The following HNRNPC variants were observed in gnomAD, a reference collection of about 807,000 sequenced individuals.
HNRNPC encodes the protein heterogeneous nuclear ribonucleoprotein C.
In HNRNPC, 3 loss-of-function variants were observed where a neutral mutation model predicts 33.2. The observed-to-expected ratio is 0.09, with a 90% CI of 0.04 to 0.23. The LOEUF is 0.23. HNRNPC is among the 10% of genes least tolerant of loss of function. The pLI is 1.00. For synonymous variants in HNRNPC, 121 were observed against 126.7 expected (o/e 0.96, Z 0.30); for missense variants, 143 against 366.7 (o/e 0.39, Z 4.98).
chr14:21,256,448 T>TC (rs973744026), intron 2 of HNRNPC, among the ~76,000 whole-genome samples: 21 of 147,658 alleles, frequency 1.4e-4, no homozygotes, highest in East Asian at 4.0e-4. Flanking sequence ...AAACTCCATC[T>TC]CCCCCCCAAA....
intron 2 of HNRNPC, among the ~76,000 whole-genome samples, chr14:21,260,255 TACTCGGGAGGCTGAG>T (rs1264699888): frequency 7.0e-6 from 1 of 143,752 alleles, no homozygotes; most frequent in Non-Finnish European, 1.5e-5. Flanking sequence ...TAATCCCAGG[TACTCGGGAGGCTGAG>T]ACAGAGAACT....
intron 2 of HNRNPC, among the ~76,000 whole-genome samples, chr14:21,258,400 AAAAGTTC>A (rs1307172125): frequency 1.3e-5 from 2 of 152,270 alleles, no homozygotes; most frequent in East Asian, 3.9e-4. Flanking sequence ...AAAAAAAAAA[AAAAGTTC>A]AACATATCAA....
chr14:21,225,103 C>T (rs1252758877), intron 5 of HNRNPC, among the ~76,000 whole-genome samples: 6 of 151,986 alleles, frequency 3.9e-5, no homozygotes, highest in African/African-American at 7.3e-5. Flanking sequence ...GTTTCTATTT[C>T]GTGTTGCCCA....
chr14:21,264,072 A>AT, intron 1 of HNRNPC: 1 of 152,254 alleles, frequency 6.6e-6, no homozygotes, highest in Admixed American at 6.5e-5. Context: ...GGTCTCAAAA[A>AT]GAGTATATCC....
chr14:21,220,475 C>T (rs532785604), intron 5 of HNRNPC, among the ~76,000 whole-genome samples: 3 of 152,264 alleles, frequency 2.0e-5, no homozygotes, highest in East Asian at 3.9e-4. Flanking sequence ...GTGATCCGCT[C>T]GCCTCGGCCT....
intron 5 of HNRNPC, among the ~76,000 whole-genome samples, chr14:21,216,229 G>A (rs2139484738): frequency 6.6e-6 from 1 of 152,046 alleles, no homozygotes; most frequent in South Asian, 2.1e-4. Context: ...TTCTTAAATG[G>A]AAATTCTGAC....
intron 1 of HNRNPC, among the ~76,000 whole-genome samples, chr14:21,268,466 G>A (rs59738459): frequency 1.3e-5 from 2 of 152,166 alleles, no homozygotes; most frequent in Non-Finnish European, 2.9e-5. Flanking sequence ...AGTAGTTTTA[G>A]AACTATATTA....
chr14:21,229,165 C>A (rs1423159577), intron 5 of HNRNPC, among the ~76,000 whole-genome samples: 3 of 150,754 alleles, frequency 2.0e-5, no homozygotes, highest in Admixed American at 1.3e-4. Context: ...CCAAGACGGA[C>A]GGATCATGAG....
At chr14:21,239,918 C>A (rs913494071) in intron 2 of HNRNPC, among the ~76,000 whole-genome samples, 1 of 152,086 alleles carries the variant, frequency 6.6e-6, no homozygotes, top group African/African-American at 2.4e-5. Context: ...GTGGTTAGCA[C>A]TCAAATTTCT....
At chr14:21,258,654 T>C (rs1877646304) in intron 2 of HNRNPC, among the ~76,000 whole-genome samples, 1 of 152,202 alleles carries the variant, frequency 6.6e-6, no homozygotes, top group Admixed American at 6.5e-5. Flanking sequence ...GTCAAGTGTT[T>C]AGAATACTTC....
chr14:21,229,357 C>T (rs1462993060), intron 5 of HNRNPC, among the ~76,000 whole-genome samples: 2 of 109,236 alleles, frequency 1.8e-5, no homozygotes, highest in African/African-American at 9.1e-5. Context: ...GGCGACAGAG[C>T]GAGACTGTCT....
intron 1 of HNRNPC, among the ~76,000 whole-genome samples, chr14:21,268,878 TCTACTTGGTAAC>T (rs1879464130): frequency 6.6e-6 from 1 of 152,070 alleles, no homozygotes; most frequent in Admixed American, 6.6e-5. Context: ...TCGCGATACA[TCTACTTGGTAAC>T]CTTCCCCCTT....
chr14:21,246,491 G>A (rs534377025), intron 2 of HNRNPC, among the ~76,000 whole-genome samples: 9 of 151,886 alleles, frequency 5.9e-5, no homozygotes, highest in African/African-American at 1.4e-4. Context: ...GCGTGAACCC[G>A]GGAGGCAGAG....
At chr14:21,256,952 C>T (rs1379859260) in intron 2 of HNRNPC, among the ~76,000 whole-genome samples, 3 of 152,104 alleles carry the variant, frequency 2.0e-5, no homozygotes, top group Non-Finnish European at 2.9e-5. Flanking sequence ...CCACACCTGG[C>T]CAACATGATT....
intron 2 of HNRNPC, among the ~76,000 whole-genome samples, chr14:21,239,917 A>C (rs146443550): frequency 6.6e-6 from 1 of 152,098 alleles, no homozygotes; most frequent in Non-Finnish European, 1.5e-5. Flanking sequence ...AGTGGTTAGC[A>C]CTCAAATTTC....
chr14:21,240,320 AGT>A (rs1895199970), intron 2 of HNRNPC, among the ~76,000 whole-genome samples: 1 of 152,228 alleles, frequency 6.6e-6, no homozygotes, highest in East Asian at 1.9e-4. Context: ...GTTCATTGTA[AGT>A]GTGAGGTGCT....
chr14:21,260,256 A>G (rs1245260659), intron 2 of HNRNPC, among the ~76,000 whole-genome samples: 1 of 149,734 alleles, frequency 6.7e-6, no homozygotes, highest in African/African-American at 2.5e-5. Flanking sequence ...AATCCCAGGT[A>G]CTCGGGAGGC....
At chr14:21,240,056 T>C (rs1594269763) in intron 2 of HNRNPC, among the ~76,000 whole-genome samples, 2 of 152,298 alleles carry the variant, frequency 1.3e-5, no homozygotes, top group East Asian at 3.9e-4. Context: ...AAACCAGGAA[T>C]ACTAAGTTAT....
At chr14:21,228,614 G>C (rs1893741585) in intron 5 of HNRNPC, among the ~76,000 whole-genome samples, 1 of 151,836 alleles carries the variant, frequency 6.6e-6, no homozygotes, top group South Asian at 2.1e-4. Flanking sequence ...GGCTGGTCTT[G>C]AACTCCTGAC....
Sources: gnomAD v4.1 joint callset for allele counts (sites outside exome capture counted in the v4.1 genomes callset) on GRCh38, gnomAD v4.1.1 for gene constraint, MANE v1.5 for transcripts, NCBI Gene and HGNC (gene_info 2026-07-23, HGNC 2026-07-21) for gene names.